Variants in TTF1 observed in about 807,000 individuals in gnomAD.
The protein encoded by TTF1 is transcription termination factor, RNA polymerase I.
TTF1 carries 64 observed loss-of-function variants against 80.2 expected under a neutral mutation model. That is an observed-to-expected ratio of 0.80 (90% confidence interval 0.65 to 0.98). TTF1 has a LOEUF of 0.98. TTF1 is among the 50% of genes least tolerant of loss of function. TTF1 has a pLI of 0.00. For synonymous variants in TTF1, 372 were observed against 382.7 expected (o/e 0.97, Z 0.33); for missense variants, 1,023 against 1,086.2 (o/e 0.94, Z 0.82).
intron 7 of TTF1, 95 bp downstream of exon 7, chr9:132,390,502 G>A (rs1038773861): frequency 1.8e-5 from 22 of 1,236,020 alleles, no homozygotes; most frequent in South Asian, 1.8e-4. Context: ...TTCTTGACAC[G>A]TCAGCTTCCC....
intron 10 of TTF1, among the ~76,000 whole-genome samples, chr9:132,378,317 A>C (rs1849284549): frequency 9.4e-6 from 1 of 106,666 alleles, no homozygotes; most frequent in Non-Finnish European, 1.8e-5. Flanking sequence ...GTGTGAGTGC[A>C]TGTGGTGTGT....
chr9:132,376,523 A>C (rs1033769115), intron 10 of TTF1, among the ~76,000 whole-genome samples: 5 of 152,188 alleles, frequency 3.3e-5, no homozygotes, highest in African/African-American at 9.6e-5. Context: ...TGGCAGGTCC[A>C]GGAGAAATAC....
chr9:132,390,910 C>T (rs1056743662), intron 6 of TTF1, 79 bp from the exon 7 acceptor site: 76 of 1,365,568 alleles, frequency 5.6e-5, no homozygotes, highest in South Asian at 1.1e-4. Context: ...AATGATAAAT[C>T]GGGTACTTTT....
rs1443132618 is a variant in TTF1 at position 132,402,096 on chromosome 9, T to C, written c.726A>G (p.Ala242=). ...ETLAMPEGSQ[A]GREAGTDMQE... is the part of the protein sequence containing the mutation. ...GCATATCAGTCCCGGCCTCTCTGCC[T>C]GCTTGCGATCCTTCAGGCATGGCCA... Residue 242 remains alanine, a synonymous_variant, in exon 2 of 11, where the codon GCA becomes GCG. Coordinates refer to ENST00000334270, the MANE Select transcript of TTF1 (RefSeq NM_007344.4). 6.2e-7 allele frequency: 1 copy of C among 1,614,038 alleles called. No individual in the cohort carries two copies.
At chr9:132,398,120 G>A (rs569288) in intron 4 of TTF1, 21 bp downstream of exon 4, 1,285,815 of 1,546,018 alleles carry the variant, frequency 0.83, 539,301 homozygotes, top group Non-Finnish European at 0.86. Context: ...ATGGTCAAAG[G>A]GTGATTGTTT....
At chr9:132,385,090 A>G (rs1317365555) in intron 9 of TTF1, among the ~76,000 whole-genome samples, 1 of 152,164 alleles carries the variant, frequency 6.6e-6, no homozygotes, top group Non-Finnish European at 1.5e-5. Context: ...TGTTACACAC[A>G]ACTAAAACGT....
At position 132,375,721 on chromosome 9, in the gene TTF1, A is replaced by ATC. The variant is rs139464117; in HGVS notation, c.*192_*193dup. The ATC allele has an allele frequency of 3.4e-3, 1,739 of 515,440 alleles. 33 individuals carry two copies. The highest frequency in any genetic ancestry group is 0.029 in the African/African-American group (1,540 of 52,334). 31.9% of individuals were successfully genotyped at this position (515,440 alleles called of 1,614,324 possible). A position where few individuals can be genotyped will look rare whatever the true frequency, so the allele number is the denominator to read the frequency against. ...TGAGAAAAAGGGACAAGAAATAGTA[A>ATC]TCTCTCTCTCTCATGCGGTGGTGCG... On this transcript the variant is annotated 3_prime_UTR_variant, in exon 11 of 11. Transcript: ENST00000334270.
intron 10 of TTF1, among the ~76,000 whole-genome samples, chr9:132,377,684 ATGTGGTGTGAG>A (rs2131616288): frequency 2.2e-5 from 2 of 92,200 alleles, no homozygotes; most frequent in South Asian, 3.9e-4. Flanking sequence ...GTGTGAATGC[ATGTGGTGTGAG>A]TGCATGTGGT....
intron 9 of TTF1, 51 bp from the exon 10 acceptor site, chr9:132,379,195 C>T (rs772099166): frequency 1.6e-5 from 22 of 1,345,836 alleles, no homozygotes; most frequent in Non-Finnish European, 2.2e-5. Flanking sequence ...AAAAATCTAT[C>T]ATTTCAATAC....
intron 10 of TTF1, among the ~76,000 whole-genome samples, chr9:132,376,672 T>C (rs1374847273): frequency 6.6e-6 from 1 of 151,438 alleles, no homozygotes; most frequent in Non-Finnish European, 1.5e-5. Flanking sequence ...CTTTTTTTTT[T>C]TTTTTTTTGA....
chr9:132,390,576 A>C (rs752014148), intron 7 of TTF1, 21 bp downstream of exon 7: 1 of 1,608,174 alleles, frequency 6.2e-7, no homozygotes, highest in East Asian at 2.2e-5. Flanking sequence ...GAGACAGAGA[A>C]AGAGAGAGGG....
At chr9:132,399,966 A>G (rs892843024) in intron 3 of TTF1, 69 bp downstream of exon 3, 3 of 1,500,880 alleles carry the variant, frequency 2.0e-6, no homozygotes, top group African/African-American at 2.8e-5. Context: ...TGAATCATCC[A>G]TAAAAGAAAG....
intron 1 of TTF1, among the ~76,000 whole-genome samples, chr9:132,405,217 T>G (rs1355424998): frequency 1.3e-5 from 2 of 150,798 alleles, no homozygotes; most frequent in Non-Finnish European, 2.9e-5. Flanking sequence ...TCTTTTTCTT[T>G]TTTTGGAGAC....
intron 1 of TTF1, among the ~76,000 whole-genome samples, chr9:132,405,142 C>A (rs1215049803): frequency 6.6e-6 from 1 of 152,210 alleles, no homozygotes; most frequent in Non-Finnish European, 1.5e-5. Context: ...CCGCCTCGGC[C>A]TCCCAAAGTG....
At chr9:132,386,705 G>T (rs1849474322) in intron 8 of TTF1, 84 bp from the exon 9 acceptor site, 1 of 1,155,214 alleles carries the variant, frequency 8.7e-7, no homozygotes, top group South Asian at 1.3e-5. Flanking sequence ...GCTGAGAGCT[G>T]GAAGGTATGT....
Position 132,392,213 on chromosome 9 carries a change from G to A in TTF1, c.1857-7C>T. 6.2e-7 allele frequency: 1 copy of A among 1,614,040 alleles called. No individual in the cohort carries two copies. ...AGTATCTCCTTCGCTATACCTAGGA[G>A]AAAGGGAAAATGTTTTACAAGTTTA... On this transcript the variant is annotated splice_polypyrimidine_tract_variant and splice_region_variant and intron_variant, in intron 5 of 10. Transcript: ENST00000334270.
At chr9:132,391,695 G>C (rs1298803623) in intron 6 of TTF1, among the ~76,000 whole-genome samples, 1 of 152,174 alleles carries the variant, frequency 6.6e-6, no homozygotes, top group Non-Finnish European at 1.5e-5. Context: ...ACCAACACTG[G>C]TTCTGAGAAA....
intron 4 of TTF1, among the ~76,000 whole-genome samples, chr9:132,397,223 C>T (rs373683759): frequency 1.3e-5 from 2 of 152,186 alleles, no homozygotes; most frequent in African/African-American, 2.4e-5. Flanking sequence ...GTGGAGAATA[C>T]AGGGTAACAG....
chr9:132,383,809 C>A (rs1849413724), intron 9 of TTF1, among the ~76,000 whole-genome samples: 1 of 152,228 alleles, frequency 6.6e-6, no homozygotes, highest in East Asian at 1.9e-4. Context: ...TGTTTCCTCA[C>A]CCAAGACTGT....
Sources: gnomAD v4.1 joint callset for allele counts (sites outside exome capture counted in the v4.1 genomes callset) on GRCh38, gnomAD v4.1.1 for gene constraint, MANE v1.5 for transcripts, NCBI Gene and HGNC (gene_info 2026-07-23, HGNC 2026-07-21) for gene names.